Variants in SGSM1 observed in about 807,000 individuals in gnomAD.
SGSM1 encodes the protein small G protein signaling modulator 1.
Under a neutral mutation model 133.8 loss-of-function variants are expected in SGSM1, and 73 were observed. The ratio of observed to expected loss-of-function variants is 0.55; its 90% confidence interval spans 0.45 to 0.66. The LOEUF is 0.66. Among genes scored for constraint, SGSM1 ranks in the 30% least tolerant of loss-of-function variants. The probability of loss-of-function intolerance (pLI) is 0.00; values close to 1 mark genes in which losing one functional copy is unlikely to be tolerated. For missense variants in SGSM1, 1,213 were observed against 1,448.1 expected, an observed-to-expected ratio of 0.84 and a Z score of 2.64; for synonymous variants, 563 against 573.0, an observed-to-expected ratio of 0.98 and a Z score of 0.25.
chr22:24,857,519 G>A (rs1930875996), intron 8 of SGSM1, among the ~76,000 whole-genome samples: 1 of 151,670 alleles, frequency 6.6e-6, no homozygotes, highest in Admixed American at 6.6e-5. Context: ...AGAGGTCTTT[G>A]AAACTTACGT....
chr22:24,890,521 T>C (rs538055522), intron 16 of SGSM1, among the ~76,000 whole-genome samples: 1 of 152,112 alleles, frequency 6.6e-6, no homozygotes, highest in Admixed American at 6.6e-5. Flanking sequence ...AGATTTTGCA[T>C]CTGCTTGTAT....
chr22:24,924,359 CGGGA>C lies in SGSM1; in HGVS notation c.*87_*90del. On this transcript the variant is annotated 3_prime_UTR_variant, in exon 25 of 25. Coordinates refer to ENST00000400358, the MANE Select transcript of SGSM1 (RefSeq NM_001098497.3). ...TTTCCTCCTGGCTGGATGGGCACCCCGGGAGCGGGGTCCTGGTGTCTGTTCACAA... is the reference window on the plus strand; with the variant it reads ...TTTCCTCCTGGCTGGATGGGCACCCCGCGGGGTCCTGGTGTCTGTTCACAA... The C allele has an allele frequency of 5.8e-6, 7 of 1,203,040 alleles. No individual in the cohort carries two copies. Among genetic ancestry groups the C allele is most frequent in the Non-Finnish European group, 8.5e-6 (7 of 822,868 alleles). 74.5% of individuals were successfully genotyped at this position (1,203,040 alleles called of 1,614,324 possible). A position where few individuals can be genotyped will look rare whatever the true frequency, so the allele number is the denominator to read the frequency against.
chr22:24,839,937 T>C (rs886746920), intron 2 of SGSM1, among the ~76,000 whole-genome samples: 45 of 145,560 alleles, frequency 3.1e-4, no homozygotes, highest in Middle Eastern at 3.4e-3. Context: ...TCTCTCTTTT[T>C]TTTTTTTTTT....
intron 22 of SGSM1, among the ~76,000 whole-genome samples, chr22:24,913,925 G>A (rs1933723903): frequency 6.6e-6 from 1 of 152,100 alleles, no homozygotes; most frequent in African/African-American, 2.4e-5. Context: ...GGGAGGCTGA[G>A]GTGGGTGGAT....
chr22:24,896,573 T>C (rs2123699741), intron 18 of SGSM1, among the ~76,000 whole-genome samples: 1 of 152,118 alleles, frequency 6.6e-6, no homozygotes, highest in South Asian at 2.1e-4. Flanking sequence ...TGATTCATAA[T>C]AGTCAACCAC....
At chr22:24,904,347 G>A (rs1317289781) in intron 20 of SGSM1, among the ~76,000 whole-genome samples, 9 of 152,106 alleles carry the variant, frequency 5.9e-5, no homozygotes, top group East Asian at 1.9e-4. Context: ...TTGGGAGGCC[G>A]AGACGGGCGG....
intron 2 of SGSM1, among the ~76,000 whole-genome samples, chr22:24,829,273 A>G (rs1928975411): frequency 6.6e-6 from 1 of 152,148 alleles, no homozygotes; most frequent in Non-Finnish European, 1.5e-5. Flanking sequence ...TTAGCAGACT[A>G]ATGCAAAGCA....
intron 16 of SGSM1, 125 bp downstream of exon 16, chr22:24,886,853 C>A: frequency 7.9e-7 from 1 of 1,259,238 alleles, no homozygotes; most frequent in Non-Finnish European, 1.1e-6. Context: ...AGATGGGAAC[C>A]TGAAGGCGGC....
intron 14 of SGSM1, 96 bp downstream of exon 14, chr22:24,879,622 T>A (rs1932217220): frequency 2.5e-6 from 3 of 1,203,256 alleles, no homozygotes; most frequent in Non-Finnish European, 3.6e-6. Flanking sequence ...CTCTGGAGTT[T>A]GAACCTCTCC....
At chr22:24,822,952 A>G (rs920450692) in intron 2 of SGSM1, among the ~76,000 whole-genome samples, 3 of 152,240 alleles carry the variant, frequency 2.0e-5, no homozygotes, top group Admixed American at 1.3e-4. Flanking sequence ...TTTGGGCTCA[A>G]GTGTGTAAAG....
At position 24,867,126 on chromosome 22, in the gene SGSM1, G is replaced by A. The variant is rs760906245; in HGVS notation, c.960G>A (p.Leu320=). ...GGGACTATGCCATGACCATCCGCTT[G>A]GAGGAGATTGTCTACCTGCACTGCC... is the stretch of plus-strand genomic sequence containing the variant. ...VYWDYAMTIR[L]EEIVYLHCHQ... The change falls in exon 10 of 25, where the codon TTG becomes TTA. Residue 320 remains leucine, a synonymous_variant. Coordinates refer to ENST00000400358, the MANE Select transcript of SGSM1 (RefSeq NM_001098497.3). 77 of 1,613,782 alleles carry A rather than the reference G, an allele frequency of 4.8e-5. No individual in the cohort carries two copies. Among genetic ancestry groups the A allele is most frequent in the Non-Finnish European group, 6.4e-5 (75 of 1,179,884 alleles).
In SGSM1 at chr22:24,926,394, T is replaced by TA. The variant is rs1934206036; in HGVS notation, c.*2121dup. ...GCAACGTTCTGGCTGCCATTAGACT[T>TA]ACGTCTCCCTCCCCTACGTCCCCTA... On this transcript the variant is annotated 3_prime_UTR_variant, in exon 25 of 25. Coordinates refer to ENST00000400358, the MANE Select transcript of SGSM1 (RefSeq NM_001098497.3). 1 of 152,178 alleles carries TA rather than the reference T, an allele frequency of 6.6e-6. No homozygotes were observed. Among genetic ancestry groups the TA allele is most frequent in the African/African-American group, 2.4e-5 (1 of 41,444 alleles). The allele number at this position is 152,178 out of a possible 1,614,324, so 9.4% of individuals were successfully genotyped here.
At chr22:24,911,675 C>T (rs1933630793) in intron 21 of SGSM1, among the ~76,000 whole-genome samples, 1 of 152,100 alleles carries the variant, frequency 6.6e-6, no homozygotes, top group African/African-American at 2.4e-5. Context: ...AACCCATAGC[C>T]CAGTCTTACC....
chr22:24,850,258 C>T (rs774772123), intron 4 of SGSM1, 22 bp from the exon 5 acceptor site: 56 of 1,540,088 alleles, frequency 3.6e-5, no homozygotes, highest in Non-Finnish European at 4.6e-5. Context: ...GTATCTATTC[C>T]CGTCTTTTAT....
At chr22:24,919,423 G>A (rs930240583) in intron 23 of SGSM1, among the ~76,000 whole-genome samples, 10 of 152,150 alleles carry the variant, frequency 6.6e-5, no homozygotes, top group African/African-American at 2.4e-4. Context: ...CTCTGCCAGT[G>A]TGTGGGGGGA....
intron 12 of SGSM1, among the ~76,000 whole-genome samples, chr22:24,871,388 G>T (rs1418463685): frequency 1.3e-5 from 2 of 152,192 alleles, no homozygotes; most frequent in Non-Finnish European, 2.9e-5. Flanking sequence ...TGAGGAATCA[G>T]CAAGATCATT....
At chr22:24,820,154 G>C (rs1601889098) in intron 2 of SGSM1, among the ~76,000 whole-genome samples, 3 of 152,240 alleles carry the variant, frequency 2.0e-5, no homozygotes, top group Admixed American at 2.0e-4. Context: ...TGTCTTCACA[G>C]CTCCATCCTC....
intron 3 of SGSM1, 29 bp downstream of exon 3, chr22:24,845,001 C>T (rs775527523): frequency 6.2e-7 from 1 of 1,610,298 alleles, no homozygotes; most frequent in African/African-American, 1.3e-5. Flanking sequence ...AAAGTGGCTT[C>T]TTTCTCTGTG....
chr22:24,872,454 G>A (rs116377149), intron 12 of SGSM1, among the ~76,000 whole-genome samples: 2,421 of 152,106 alleles, frequency 0.016, 61 homozygotes, highest in African/African-American at 0.054. Context: ...GGATGTGCTG[G>A]AAGTGTAAGA....
Sources: allele counts gnomAD v4.1 joint callset (sites outside exome capture counted in the v4.1 genomes callset), GRCh38; gene constraint gnomAD v4.1.1; transcripts MANE v1.5; gene names NCBI Gene and HGNC (gene_info 2026-07-23, HGNC 2026-07-21).